CNTN4: variants seen among roughly 807,000 people sequenced by gnomAD.
CNTN4 encodes the protein contactin 4.
CNTN4 carries 77 observed loss-of-function variants against 122.5 expected under a neutral mutation model. The ratio of observed to expected loss-of-function variants is 0.63; its 90% CI spans 0.52 to 0.76. The LOEUF (loss-of-function observed/expected upper bound fraction) is 0.76. CNTN4 is among the 30% of genes least tolerant of loss of function. CNTN4 has a pLI of 0.00. For missense variants in CNTN4, 1,256 were observed against 1,259.1 expected, an observed-to-expected ratio of 1.00 and a Z score of 0.04; for synonymous variants, 512 against 447.0, an observed-to-expected ratio of 1.15 and a Z score of -1.83.
At chr3:2,657,552 A>C (rs574201478) in intron 4 of CNTN4, among the ~76,000 whole-genome samples, 2 of 152,356 alleles carry the variant, frequency 1.3e-5, no homozygotes, top group South Asian at 4.1e-4. Context: ...CATGAAAACA[A>C]GATGGGACTA....
At chr3:2,903,644 G>C (rs1410316396) in intron 12 of CNTN4, among the ~76,000 whole-genome samples, 1 of 152,126 alleles carries the variant, frequency 6.6e-6, no homozygotes, top group Non-Finnish European at 1.5e-5. Context: ...CTTCATTGGT[G>C]CTTCCTCAGA....
intron 4 of CNTN4, among the ~76,000 whole-genome samples, chr3:2,622,023 G>C (rs1364827634): frequency 1.3e-5 from 2 of 152,108 alleles, no homozygotes; most frequent in Admixed American, 6.6e-5. Context: ...TCACATTAAG[G>C]GATCCTTTTC....
intron 7 of CNTN4, among the ~76,000 whole-genome samples, chr3:2,824,013 G>A (rs905558054): frequency 6.6e-6 from 1 of 152,168 alleles, no homozygotes; most frequent in African/African-American, 2.4e-5. Flanking sequence ...AGTCATAGCT[G>A]TGGTTCCCAC....
intron 3 of CNTN4, among the ~76,000 whole-genome samples, chr3:2,423,375 T>C (rs532858608): frequency 6.6e-6 from 1 of 152,270 alleles, no homozygotes; most frequent in Admixed American, 6.5e-5. Flanking sequence ...TTTGTGTACC[T>C]GTCAGTTTAG....
intron 4 of CNTN4, among the ~76,000 whole-genome samples, chr3:2,667,529 C>T (rs1171929970): frequency 6.6e-6 from 1 of 152,028 alleles, no homozygotes; most frequent in Non-Finnish European, 1.5e-5. Flanking sequence ...AATTTTCTCC[C>T]ATTCTGTAGG....
At chr3:2,464,255 G>C (rs769241548) in intron 3 of CNTN4, among the ~76,000 whole-genome samples, 1 of 152,104 alleles carries the variant, frequency 6.6e-6, no homozygotes. Context: ...TGAACATTCC[G>C]TATTCTTTTT....
intron 2 of CNTN4, among the ~76,000 whole-genome samples, chr3:2,107,867 G>C (rs1325328193): frequency 6.6e-6 from 1 of 152,056 alleles, no homozygotes; most frequent in Non-Finnish European, 1.5e-5. Context: ...TAATACATCA[G>C]ACTTCCAGTC....
chr3:2,775,234 G>A (rs915296277), intron 6 of CNTN4, among the ~76,000 whole-genome samples: 1 of 152,134 alleles, frequency 6.6e-6, no homozygotes, highest in Non-Finnish European at 1.5e-5. Flanking sequence ...ACTGCTTAGT[G>A]TTTTTATTTC....
At chr3:2,403,478 C>T (rs2046929028) in intron 3 of CNTN4, among the ~76,000 whole-genome samples, 1 of 152,174 alleles carries the variant, frequency 6.6e-6, no homozygotes, top group South Asian at 2.1e-4. Context: ...TCTGTCCCTG[C>T]TCTTCCTGTA....
At chr3:2,596,970 A>T (rs934458356) in intron 4 of CNTN4, among the ~76,000 whole-genome samples, 42 of 151,514 alleles carry the variant, frequency 2.8e-4, no homozygotes, top group African/African-American at 7.3e-4. Flanking sequence ...TTTTTTTTTT[A>T]AATTTGAGTT....
chr3:2,842,874 A>C (rs533545396), intron 7 of CNTN4, among the ~76,000 whole-genome samples: 1 of 149,840 alleles, frequency 6.7e-6, no homozygotes, highest in South Asian at 2.1e-4. Context: ...CTGGCTTCTC[A>C]TTTCCCTGTC....
At chr3:2,125,330 C>CTGTGTGTG (rs397721422) in intron 2 of CNTN4, among the ~76,000 whole-genome samples, 3,523 of 143,416 alleles carry the variant, frequency 0.025, 53 homozygotes, top group East Asian at 0.05. Flanking sequence ...ATTCTATTCT[C>CTGTGTGTG]TGTGTGTGTG....
At chr3:2,566,803 C>G (rs534914365) in intron 3 of CNTN4, among the ~76,000 whole-genome samples, 1 of 152,236 alleles carries the variant, frequency 6.6e-6, no homozygotes, top group Non-Finnish European at 1.5e-5. Context: ...GTAGTAAATC[C>G]AGGAAGAACT....
At chr3:2,224,792 A>G (rs2149509762) in intron 2 of CNTN4, among the ~76,000 whole-genome samples, 1 of 152,314 alleles carries the variant, frequency 6.6e-6, no homozygotes, top group East Asian at 1.9e-4. Context: ...TCCCGAGTTA[A>G]TCAGGTTGAC....
Position 2,835,605 on chromosome 3 carries a change from A to C in CNTN4, c.454+16024A>C, listed in dbSNP as rs147300667. 7.4e-4 allele frequency among the ~76,000 whole-genome samples: 113 copies of C among 152,318 alleles called. No homozygotes were observed. In the Middle Eastern group the frequency reaches 0.01, roughly 14 times the overall value. On this transcript the variant is annotated intron_variant, in intron 7 of 24. Transcript: ENST00000418658. ...ATTAGTTATAGGTCAATTTTATACA[A>C]CACCACAAATTTTTTAAAAACCGTC...
chr3:2,243,457 T>C (rs2040018856), intron 2 of CNTN4, among the ~76,000 whole-genome samples: 1 of 152,056 alleles, frequency 6.6e-6, no homozygotes, highest in African/African-American at 2.4e-5. Flanking sequence ...CAGGACAGCT[T>C]TTATTGTGGC....
chr3:2,555,760 G>T (rs997330386), intron 3 of CNTN4, among the ~76,000 whole-genome samples: 1 of 152,160 alleles, frequency 6.6e-6, no homozygotes, highest in African/African-American at 2.4e-5. Context: ...GGATTAAGCA[G>T]GTTTTTACTG....
At chr3:2,395,316 G>T (rs757411805) in intron 3 of CNTN4, among the ~76,000 whole-genome samples, 3 of 152,114 alleles carry the variant, frequency 2.0e-5, no homozygotes. Context: ...ATAATCTATA[G>T]TGTAATAAAT....
chr3:3,043,105 TA>T lies in CNTN4; in HGVS notation c.2642del (p.Asn881IlefsTer14). 6.2e-7 allele frequency: 1 copy of T among 1,614,218 alleles called. No homozygotes were observed. The highest frequency in any genetic ancestry group is 8.5e-7 in the Non-Finnish European group (1 of 1,180,040). Reference protein sequence around the residue: ...VLYHLAVKAYNSAGTGPSSAT... With the variant: ...VLYHLAVKAYXSAGTGPSSAT... ...TGTATCACTTAGCTGTCAAGGCATA[TA>T]ATTCTGCTGGGACAGGCCCCTCTAG... On this transcript the variant is annotated frameshift_variant, in exon 22 of 25. Coordinates refer to ENST00000418658, the MANE Select transcript of CNTN4 (RefSeq NM_175607.3). LOFTEE classifies it high-confidence loss of function.
Sources: allele counts gnomAD v4.1 joint callset (sites outside exome capture counted in the v4.1 genomes callset), GRCh38; gene constraint gnomAD v4.1.1; transcripts MANE v1.5; gene names NCBI Gene and HGNC (gene_info 2026-07-23, HGNC 2026-07-21).